The following TMEM132B variants were observed in gnomAD, a reference collection of about 807,000 sequenced individuals.
TMEM132B encodes the protein transmembrane protein 132B.
In TMEM132B, 18 loss-of-function variants were observed where a neutral mutation model predicts 90.8. The ratio of observed to expected loss-of-function variants is 0.20; its 90% CI spans 0.14 to 0.29. TMEM132B has a LOEUF of 0.29. TMEM132B is among the 10% of genes least tolerant of loss of function. The probability of loss-of-function intolerance (pLI) is 1.00; values close to 1 mark genes in which losing one functional copy is unlikely to be tolerated. For synonymous variants in TMEM132B, 504 were observed against 523.3 expected (o/e 0.96, Z 0.50); for missense variants, 1,096 against 1,326.8 (o/e 0.83, Z 2.70).
chr12:125,630,748 A>G (rs1014508303), intron 5 of TMEM132B, among the ~76,000 whole-genome samples: 4 of 152,042 alleles, frequency 2.6e-5, no homozygotes, highest in South Asian at 2.1e-4. Context: ...CCCATCCTCC[A>G]TCCTCAATTA....
chr12:125,564,094 C>T (rs142491260), intron 4 of TMEM132B, among the ~76,000 whole-genome samples: 13 of 152,174 alleles, frequency 8.5e-5, no homozygotes, highest in Admixed American at 5.2e-4. Context: ...AGAAAGGGTA[C>T]GGCTAGATTT....
Position 125,653,908 on chromosome 12 carries a change from A to G in TMEM132B, c.2450A>G (p.Asp817Gly), listed in dbSNP as rs185856785. The G allele has an allele frequency of 1.6e-4, 252 of 1,614,152 alleles. No homozygotes were observed. The Admixed American group carries it at 1.8e-3, about 12-fold the overall frequency. The change falls in exon 9 of 9, where the codon GAC (aspartate) becomes GGC (glycine). Residue 817 changes from aspartate to glycine, a missense_variant. Transcript: ENST00000682704. ...GAGGGCATAAATCGGGAATATAAAG[A>G]CCACCTCAGTAATTCCATAGAGCGC... ...DIEGINREYK[D>G]HLSNSIEREG...
At chr12:125,577,445 T>G (rs117695983) in intron 4 of TMEM132B, among the ~76,000 whole-genome samples, 2,886 of 151,184 alleles carry the variant, frequency 0.019, 33 homozygotes, top group Non-Finnish European at 0.03. Flanking sequence ...TGCATTGGTT[T>G]TCTGTATTAT....
At chr12:125,358,553 T>C (rs1877859795) in intron 2 of TMEM132B, among the ~76,000 whole-genome samples, 1 of 152,188 alleles carries the variant, frequency 6.6e-6, no homozygotes, top group Non-Finnish European at 1.5e-5. Context: ...ACTTTAACAC[T>C]TTTAAAGACT....
At chr12:125,263,834 G>T (rs1874624969) in intron 1 of TMEM132B, among the ~76,000 whole-genome samples, 1 of 152,218 alleles carries the variant, frequency 6.6e-6, no homozygotes, top group Admixed American at 6.5e-5. Flanking sequence ...CCAACCAGAT[G>T]TAGAAAGTCA....
intron 1 of TMEM132B, among the ~76,000 whole-genome samples, chr12:125,238,388 C>CAAAAAAAAAAAAAAAAAAAA (rs1259157470): frequency 9.5e-6 from 1 of 105,220 alleles, no homozygotes; most frequent in Non-Finnish European, 2.0e-5. Flanking sequence ...AAAAAAAAAC[C>CAAAAAAAAAAAAAAAAAAAA]AAAAAAACAA....
intron 1 of TMEM132B, among the ~76,000 whole-genome samples, chr12:125,214,532 T>C (rs936416274): frequency 1.3e-5 from 2 of 152,186 alleles, no homozygotes; most frequent in Non-Finnish European, 2.9e-5. Flanking sequence ...TGCCTTCTCC[T>C]GGAGCAGGGA....
chr12:125,198,396 C>T (rs1872976730), intron 1 of TMEM132B, among the ~76,000 whole-genome samples: 2 of 152,178 alleles, frequency 1.3e-5, no homozygotes, highest in Admixed American at 1.3e-4. Context: ...TTCTTTTTCT[C>T]TCTGTGTTGA....
At chr12:125,442,488 A>G (rs1880903759) in intron 3 of TMEM132B, among the ~76,000 whole-genome samples, 1 of 152,158 alleles carries the variant, frequency 6.6e-6, no homozygotes, top group African/African-American at 2.4e-5. Flanking sequence ...GGTGACTCAG[A>G]CCCTGTGACT....
At chr12:125,375,336 G>A (rs901032409) in intron 2 of TMEM132B, among the ~76,000 whole-genome samples, 1 of 152,174 alleles carries the variant, frequency 6.6e-6, no homozygotes, top group Admixed American at 6.5e-5. Flanking sequence ...AGAAGTGTCC[G>A]TGCCTTGCCA....
chr12:125,497,037 G>A (rs1882580546), intron 3 of TMEM132B, among the ~76,000 whole-genome samples: 3 of 152,046 alleles, frequency 2.0e-5, no homozygotes, highest in South Asian at 4.1e-4. Flanking sequence ...GAGTCTTACC[G>A]GCTTCCTCTT....
At chr12:125,513,619 A>AT (rs886727838) in intron 3 of TMEM132B, among the ~76,000 whole-genome samples, 4 of 152,046 alleles carry the variant, frequency 2.6e-5, no homozygotes, top group East Asian at 1.9e-4. Flanking sequence ...TTTCCTATGA[A>AT]TTTTTTAGCT....
chr12:125,450,503 G>A (rs964290671), intron 3 of TMEM132B, among the ~76,000 whole-genome samples: 8 of 152,240 alleles, frequency 5.3e-5, no homozygotes, highest in East Asian at 3.9e-4. Flanking sequence ...TAAATAAATC[G>A]TGATAGGAGA....
intron 3 of TMEM132B, among the ~76,000 whole-genome samples, chr12:125,468,453 G>A (rs1024424911): frequency 1.3e-5 from 2 of 152,230 alleles, no homozygotes; most frequent in Non-Finnish European, 2.9e-5. Flanking sequence ...TGAGGGAACA[G>A]CATGAATGAA....
chr12:125,394,628 T>G (rs1879120586), intron 2 of TMEM132B, among the ~76,000 whole-genome samples: 1 of 152,206 alleles, frequency 6.6e-6, no homozygotes, highest in Admixed American at 6.5e-5. Flanking sequence ...GTTCAGTTTT[T>G]GGACAAAGTA....
intron 4 of TMEM132B, among the ~76,000 whole-genome samples, 160 bp from the exon 5 acceptor site, chr12:125,583,691 A>G (rs1885110812): frequency 6.6e-6 from 1 of 152,080 alleles, no homozygotes; most frequent in Non-Finnish European, 1.5e-5. Flanking sequence ...CCGATTGGAA[A>G]CTTCCATTTT....
intron 5 of TMEM132B, among the ~76,000 whole-genome samples, chr12:125,612,811 G>T (rs1229554487): frequency 8.8e-5 from 7 of 79,750 alleles, no homozygotes; most frequent in South Asian, 4.2e-4. Context: ...TTTTATTTTT[G>T]ATTATATATA....
chr12:125,597,614 A>C (rs1160798949), intron 5 of TMEM132B, among the ~76,000 whole-genome samples: 1 of 152,108 alleles, frequency 6.6e-6, no homozygotes, highest in Non-Finnish European at 1.5e-5. Flanking sequence ...TGATTTTTTC[A>C]TTTTTAAAGA....
intron 3 of TMEM132B, among the ~76,000 whole-genome samples, chr12:125,450,615 A>C (rs372390643): frequency 6.6e-6 from 1 of 152,222 alleles, no homozygotes; most frequent in Non-Finnish European, 1.5e-5. Context: ...TAACATCAGC[A>C]TAAATAAAGA....
Sources: allele counts gnomAD v4.1 joint callset (sites outside exome capture counted in the v4.1 genomes callset), GRCh38; gene constraint gnomAD v4.1.1; transcripts MANE v1.5; gene names NCBI Gene and HGNC (gene_info 2026-07-23, HGNC 2026-07-21).